Variants in RNGTT observed in about 807,000 individuals in gnomAD.
RNGTT encodes the protein RNA guanylyltransferase and 5'-phosphatase.
In RNGTT, 33 loss-of-function variants were observed where a neutral mutation model predicts 79.3. The ratio of observed to expected loss-of-function variants is 0.42; its 90% CI spans 0.32 to 0.56. The LOEUF is 0.56. Among genes scored for constraint, RNGTT ranks in the 20% least tolerant of loss-of-function variants. RNGTT has a pLI of 0.17. For missense variants in RNGTT, 497 were observed against 739.1 expected, an observed-to-expected ratio of 0.67 and a Z score of 3.80; for synonymous variants, 222 against 235.9, an observed-to-expected ratio of 0.94 and a Z score of 0.54.
At chr6:88,836,548 C>T (rs1781086281) in intron 11 of RNGTT, among the ~76,000 whole-genome samples, 1 of 151,980 alleles carries the variant, frequency 6.6e-6, no homozygotes, top group African/African-American at 2.4e-5. Flanking sequence ...TCAAGACCAG[C>T]CAGGGGAACA....
At chr6:88,673,932 T>C (rs1035306478) in intron 14 of RNGTT, among the ~76,000 whole-genome samples, 7 of 152,204 alleles carry the variant, frequency 4.6e-5, no homozygotes, top group Non-Finnish European at 8.8e-5. Context: ...CAGAAAAATA[T>C]TGAGCTGTCA....
chr6:88,774,153 A>C (rs1472795050), intron 12 of RNGTT, among the ~76,000 whole-genome samples: 1 of 152,190 alleles, frequency 6.6e-6, no homozygotes, highest in Non-Finnish European at 1.5e-5. Flanking sequence ...TTTAAAAGTC[A>C]AAAGACTTGA....
chr6:88,640,386 C>CAAA (rs34910543), intron 14 of RNGTT, among the ~76,000 whole-genome samples: 1 of 97,152 alleles, frequency 1.0e-5, no homozygotes, highest in Non-Finnish European at 2.1e-5. Flanking sequence ...CCTGTCTCTA[C>CAAA]AAAAAAAAAA....
intron 14 of RNGTT, among the ~76,000 whole-genome samples, chr6:88,615,755 A>G (rs990682603): frequency 2.0e-5 from 3 of 152,168 alleles, no homozygotes; most frequent in Admixed American, 2.0e-4. Context: ...ACAAGTTCCT[A>G]ATTTACTGGG....
At position 88,716,323 on chromosome 6, in the gene RNGTT, G is replaced by T. The variant is rs1159839622; in HGVS notation, c.1440-37904C>A. ...ATTAAAAAGTCAGGAAACAACAGGTGCTGGAGAGGATGTGGAGAAATAGGA... is the reference window on the plus strand; with the variant it reads ...ATTAAAAAGTCAGGAAACAACAGGTTCTGGAGAGGATGTGGAGAAATAGGA... On this transcript the variant is annotated intron_variant, in intron 13 of 15. Coordinates refer to ENST00000369485, the MANE Select transcript of RNGTT (RefSeq NM_003800.5). Among the ~76,000 whole-genome samples, 10 of 152,050 alleles carry T rather than the reference G, an allele frequency of 6.6e-5. No individual in the cohort carries two copies. The South Asian group carries it at 1.0e-3, about 16-fold the overall frequency.
At chr6:88,664,154 C>T (rs1322668694) in intron 14 of RNGTT, among the ~76,000 whole-genome samples, 1 of 152,080 alleles carries the variant, frequency 6.6e-6, no homozygotes, top group Non-Finnish European at 1.5e-5. Context: ...AGAGGGTATG[C>T]AAAGGCTAAT....
intron 12 of RNGTT, among the ~76,000 whole-genome samples, chr6:88,798,342 A>G (rs749901049): frequency 8.6e-5 from 13 of 151,950 alleles, no homozygotes; most frequent in Admixed American, 2.0e-4. Flanking sequence ...GTGCGCGCCT[A>G]TAGTCCCAGC....
intron 11 of RNGTT, among the ~76,000 whole-genome samples, chr6:88,810,488 G>A (rs1348600472): frequency 9.2e-5 from 14 of 152,272 alleles, no homozygotes; most frequent in Admixed American, 3.9e-4. Context: ...ATTCAGCAAC[G>A]ATGATGGGCA....
chr6:88,695,788 T>C (rs1775639870), intron 13 of RNGTT, among the ~76,000 whole-genome samples: 1 of 152,180 alleles, frequency 6.6e-6, no homozygotes, highest in Non-Finnish European at 1.5e-5. Context: ...GAAAATGTGG[T>C]ATACATAAAC....
intron 14 of RNGTT, among the ~76,000 whole-genome samples, chr6:88,629,700 A>G (rs563085097): frequency 2.8e-4 from 42 of 152,292 alleles, no homozygotes; most frequent in African/African-American, 9.9e-4. Context: ...GATCTATTCT[A>G]AATTAGGTAG....
intron 8 of RNGTT, among the ~76,000 whole-genome samples, chr6:88,881,754 TAAC>T (rs1049027084): frequency 5.3e-5 from 8 of 152,128 alleles, no homozygotes; most frequent in Non-Finnish European, 1.2e-4. Context: ...AGACATTTGT[TAAC>T]AACAGCCAAA....
intron 11 of RNGTT, among the ~76,000 whole-genome samples, chr6:88,821,894 C>A (rs1229834267): frequency 1.5e-4 from 22 of 147,370 alleles, no homozygotes; most frequent in Admixed American, 8.7e-4. Context: ...AAAAAAAAAA[C>A]CAGCAAATTC....
rs1256992221 is a variant in RNGTT at position 88,612,452 on chromosome 6, G to A, written c.*267C>T. ...GATTTCCATCTTGTTTAAACCTTTG[G>A]ATATTTCAATCTTCAGATTCCACAA... On this transcript the variant is annotated 3_prime_UTR_variant, in exon 16 of 16. Coordinates refer to ENST00000369485, the MANE Select transcript of RNGTT (RefSeq NM_003800.5). 3.3e-6 allele frequency: 1 copy of A among 307,690 alleles called. No homozygotes were observed. The highest frequency in any genetic ancestry group is 6.0e-6 in the Non-Finnish European group (1 of 166,422). 19.1% of individuals were successfully genotyped at this position (307,690 alleles called of 1,614,324 possible). A position where few individuals can be genotyped will look rare whatever the true frequency, so the allele number is the denominator to read the frequency against.
intron 13 of RNGTT, among the ~76,000 whole-genome samples, chr6:88,721,723 C>T (rs1776716783): frequency 6.6e-6 from 1 of 152,056 alleles, no homozygotes; most frequent in South Asian, 2.1e-4. Context: ...AAGCCACCTA[C>T]AATCTTCAAA....
At chr6:88,749,005 G>A (rs373689209) in intron 13 of RNGTT, among the ~76,000 whole-genome samples, 1 of 152,088 alleles carries the variant, frequency 6.6e-6, no homozygotes, top group South Asian at 2.1e-4. Flanking sequence ...ACAACTATAC[G>A]AACAGCTGAT....
chr6:88,931,808 T>G (rs943976190), intron 2 of RNGTT, among the ~76,000 whole-genome samples: 1 of 152,190 alleles, frequency 6.6e-6, no homozygotes, highest in Admixed American at 6.5e-5. Flanking sequence ...AAAATTCCTA[T>G]GCCTGTCTTT....
At chr6:88,651,456 G>A (rs1435148286) in intron 14 of RNGTT, among the ~76,000 whole-genome samples, 1 of 151,990 alleles carries the variant, frequency 6.6e-6, no homozygotes, top group African/African-American at 2.4e-5. Context: ...TGCCTGCTGG[G>A]CATATAATAC....
At chr6:88,656,152 T>C (rs1244961285) in intron 14 of RNGTT, among the ~76,000 whole-genome samples, 1 of 152,208 alleles carries the variant, frequency 6.6e-6, no homozygotes. Flanking sequence ...ACTTCCCTTT[T>C]TAATTTCAAA....
In RNGTT at chr6:88,746,154, T is replaced by C. The variant is rs9451070; in HGVS notation, c.1439+23620A>G. Among the ~76,000 whole-genome samples, 1,488 of 152,314 alleles carry C rather than the reference T, an allele frequency of 9.8e-3. 18 individuals are homozygous for C. Among genetic ancestry groups the C allele is most frequent in the African/African-American group, 0.034 (1,395 of 41,564 alleles). ...CCAGCTCTAGCCTGCCGGTATTCTA[T>C]GGCAAATTTCCCCACCACCAAAGAG... On this transcript the variant is annotated intron_variant, in intron 13 of 15. Transcript: ENST00000369485.
Sources: allele counts gnomAD v4.1 joint callset (sites outside exome capture counted in the v4.1 genomes callset), GRCh38; gene constraint gnomAD v4.1.1; transcripts MANE v1.5; gene names NCBI Gene and HGNC (gene_info 2026-07-23, HGNC 2026-07-21).